UBA2: variants seen among roughly 807,000 people sequenced by gnomAD.
UBA2 encodes ubiquitin like modifier activating enzyme 2, also known as SUMO-activating enzyme subunit 2.
A neutral mutation model predicts 77.2 loss-of-function variants in UBA2; 11 were observed. The ratio of observed to expected loss-of-function variants is 0.14; its 90% CI spans 0.09 to 0.24. UBA2 has a LOEUF of 0.24. UBA2 is among the 10% of genes least tolerant of loss of function. UBA2 has a pLI of 1.00. For missense variants in UBA2, 487 were observed against 781.7 expected (o/e 0.62, Z 4.50); for synonymous variants, 278 against 276.7 (o/e 1.00, Z -0.05).
At chr19:34,462,041 C>T (rs577883506) in intron 14 of UBA2, among the ~76,000 whole-genome samples, 4 of 152,214 alleles carry the variant, frequency 2.6e-5, no homozygotes, top group African/African-American at 7.2e-5. Context: ...TATTTGGTTT[C>T]GCTGGAAGTT....
At chr19:34,452,190 T>G in intron 10 of UBA2, 43 bp downstream of exon 10, 3 of 1,468,364 alleles carry the variant, frequency 2.0e-6, no homozygotes, top group Non-Finnish European at 2.8e-6. Flanking sequence ...ATGTCAAAAG[T>G]GTGTTTTAGT....
chr19:34,432,643 C>T (rs1424364108), intron 3 of UBA2, among the ~76,000 whole-genome samples: 8 of 152,074 alleles, frequency 5.3e-5, no homozygotes, highest in South Asian at 2.1e-4. Context: ...CTGCAACCTC[C>T]GCCTCCTGGG....
chr19:34,461,307 G>C (rs2075628855), intron 14 of UBA2, among the ~76,000 whole-genome samples: 2 of 152,150 alleles, frequency 1.3e-5, no homozygotes, highest in South Asian at 4.1e-4. Flanking sequence ...CATACTTTGT[G>C]AGGTCCTGAT....
intron 5 of UBA2, 47 bp downstream of exon 5, chr19:34,435,015 A>T: frequency 7.9e-7 from 1 of 1,272,260 alleles, no homozygotes; most frequent in Non-Finnish European, 1.1e-6. Flanking sequence ...TTTATTTGAG[A>T]CCTTGGAGCA....
rs1477248284 is a variant in UBA2 at position 34,450,467 on chromosome 19, A to C, written c.871+103A>C. On this transcript the variant is annotated intron_variant, in intron 9 of 16. Transcript: ENST00000246548. ...GCTTGAAAATGATATGTCTTCATAT[A>C]TTCAAACAGTGCAAAAAAATATGAA... 4 of 712,688 alleles carry C rather than the reference A, an allele frequency of 5.6e-6. No individual in the cohort carries two copies. In the Admixed American group the frequency reaches 1.5e-4, roughly 27 times the overall value. 44.1% of individuals were successfully genotyped at this position (712,688 alleles called of 1,614,324 possible). A position where few individuals can be genotyped will look rare whatever the true frequency, so the allele number is the denominator to read the frequency against.
chr19:34,468,638 T>C (rs1273183815), intron 16 of UBA2, among the ~76,000 whole-genome samples: 5 of 152,198 alleles, frequency 3.3e-5, no homozygotes, highest in African/African-American at 1.2e-4. Flanking sequence ...TATAGGGTTG[T>C]GATGATTAAA....
At chr19:34,431,790 G>A in intron 2 of UBA2, 71 bp from the exon 3 acceptor site, 1 of 1,367,616 alleles carries the variant, frequency 7.3e-7, no homozygotes, top group Non-Finnish European at 1.0e-6. Context: ...TAACAGCATT[G>A]TGGCTTCCAG....
At chr19:34,438,931 G>A (rs895940520) in intron 6 of UBA2, among the ~76,000 whole-genome samples, 165 bp downstream of exon 6, 5 of 152,102 alleles carry the variant, frequency 3.3e-5, no homozygotes, top group South Asian at 2.1e-4. Flanking sequence ...GTAGCTGGCC[G>A]GGTGCGGTGG....
intron 6 of UBA2, among the ~76,000 whole-genome samples, chr19:34,442,815 ACT>A (rs2075385081): frequency 6.6e-6 from 1 of 152,206 alleles, no homozygotes; most frequent in Non-Finnish European, 1.5e-5. Context: ...GCGGCTGTCT[ACT>A]ATTTTGCACT....
rs184322281 is a variant in UBA2, at chr19:34,437,408, G to A, written c.460-1237G>A. Among the ~76,000 whole-genome samples, 1,285 of 147,978 alleles carry A rather than the reference G, an allele frequency of 8.7e-3. 17 individuals are homozygous for A. The highest frequency in any genetic ancestry group is 0.023 in the Middle Eastern group (6 of 260). On this transcript the variant is annotated intron_variant, in intron 5 of 16. Transcript: ENST00000246548. ...GCGGATCACCTGAGGTAAGGAGTTCGAGACCAGCCTGGCCAACATGGTGAA... is the reference window on the plus strand; with the variant it reads ...GCGGATCACCTGAGGTAAGGAGTTCAAGACCAGCCTGGCCAACATGGTGAA...
chr19:34,434,912 C>T lies in UBA2; in HGVS notation c.403C>T (p.Pro135Ser), dbSNP rs1168514272. 3.7e-6 allele frequency: 6 copies of T among 1,609,458 alleles called. No individual in the cohort carries two copies. The highest frequency in any genetic ancestry group is 1.1e-5 in the South Asian group (1 of 90,190). ...TAGAATGTGCCTGGCAGCTGATGTT[C>T]CTCTTATTGAAAGTGGAACAGCTGG... The part of the protein sequence containing the change: ...VNRMCLAADV[P>S]LIESGTAGYL... The change falls in exon 5 of 17, where the codon CCT becomes TCT. Residue 135 changes from proline (P) to serine (S), a missense_variant. This residue lies in a region of UBA2 where 66 missense variants were observed against 112.0 expected (regional missense o/e 0.59). Coordinates refer to ENST00000246548, the MANE Select transcript of UBA2 (RefSeq NM_005499.3).
chr19:34,464,437 A>C (rs2075665940), intron 15 of UBA2, among the ~76,000 whole-genome samples: 1 of 152,088 alleles, frequency 6.6e-6, no homozygotes, highest in African/African-American at 2.4e-5. Context: ...AGGCGCCTGT[A>C]GTCCCAGCTA....
chr19:34,433,326 C>CT (rs769000544), intron 3 of UBA2, 22 bp from the exon 4 acceptor site: 4 of 1,589,678 alleles, frequency 2.5e-6, no homozygotes, highest in Non-Finnish European at 3.4e-6. Flanking sequence ...TTTTGGTGAC[C>CT]TTTTTTTATT....
intron 2 of UBA2, among the ~76,000 whole-genome samples, chr19:34,431,378 A>G (rs2075253676): frequency 1.3e-5 from 2 of 149,638 alleles, no homozygotes; most frequent in Admixed American, 1.4e-4. Flanking sequence ...CTGGCCTCCC[A>G]AGTGCTGGGA....
At chr19:34,457,357 ACT>A (rs1459617637) in intron 12 of UBA2, among the ~76,000 whole-genome samples, 1 of 151,108 alleles carries the variant, frequency 6.6e-6, no homozygotes, top group Non-Finnish European at 1.5e-5. Context: ...CAAGAGCGAA[ACT>A]CTGCCTCAAG....
intron 16 of UBA2, among the ~76,000 whole-genome samples, chr19:34,468,178 CTTCT>C (rs1444723569): frequency 2.0e-5 from 3 of 152,210 alleles, no homozygotes; most frequent in Non-Finnish European, 4.4e-5. Context: ...CAGATTTTGA[CTTCT>C]TTGTTTTCAT....
In UBA2 at chr19:34,456,106, C is replaced by CTT. The variant is rs869130576; in HGVS notation, c.1245+1567_1245+1568dup. Among the ~76,000 whole-genome samples the CTT allele has an allele frequency of 4.6e-4, 34 of 73,656 alleles. 3 individuals are homozygous for CTT. The highest frequency in any genetic ancestry group is 8.7e-4 in the Non-Finnish European group (26 of 29,720). 48.3% of individuals were successfully genotyped at this position (73,656 alleles called of 152,430 possible). On this transcript the variant is annotated intron_variant, in intron 12 of 16. Transcript: ENST00000246548. The stretch of plus-strand genomic sequence containing the variant: ...GCGCTCTTTTTTTCCTTTTCTTTTT[C>CTT]TTTTTTTTTTTTTTTTTTGAGGTGG...
At chr19:34,437,163 T>C (rs1286243341) in intron 5 of UBA2, among the ~76,000 whole-genome samples, 2 of 151,882 alleles carry the variant, frequency 1.3e-5, no homozygotes, top group African/African-American at 4.8e-5. Context: ...GGTTTTGCCA[T>C]GTTAGCCAGG....
At chr19:34,434,302 G>A (rs991669136) in intron 4 of UBA2, among the ~76,000 whole-genome samples, 1 of 152,078 alleles carries the variant, frequency 6.6e-6, no homozygotes, top group Non-Finnish European at 1.5e-5. Flanking sequence ...TTTTTGTAGG[G>A]ATGAAGTCTT....
Sources: allele counts gnomAD v4.1 joint callset (sites outside exome capture counted in the v4.1 genomes callset), GRCh38; gene constraint gnomAD v4.1.1; regional missense constraint gnomAD v4.1.1; transcripts MANE v1.5; gene names NCBI Gene and HGNC (gene_info 2026-07-23, HGNC 2026-07-21).